The following PRKCE variants were observed in gnomAD, a reference collection of about 807,000 sequenced individuals.
The protein encoded by PRKCE is protein kinase C epsilon type.
A neutral mutation model predicts 85.4 loss-of-function variants in PRKCE; 16 were observed. The observed-to-expected ratio is 0.19, with a 90% CI of 0.13 to 0.28. The LOEUF is 0.28. Among genes scored for constraint, PRKCE ranks in the 10% least tolerant of loss-of-function variants. The pLI, the probability that PRKCE is intolerant of heterozygous loss-of-function variation, is 1.00. For synonymous variants in PRKCE, 388 were observed against 371.5 expected (o/e 1.04, Z -0.51); for missense variants, 573 against 975.2 (o/e 0.59, Z 5.49).
chr2:46,055,031 C>A (rs1317590303), intron 10 of PRKCE, among the ~76,000 whole-genome samples: 11 of 152,200 alleles, frequency 7.2e-5, no homozygotes, highest in Admixed American at 2.6e-4. Flanking sequence ...ATAAAATCCC[C>A]CACATTTACC....
intron 1 of PRKCE, among the ~76,000 whole-genome samples, chr2:45,810,972 A>T (rs1558698097): frequency 6.6e-6 from 1 of 152,222 alleles, no homozygotes; most frequent in Non-Finnish European, 1.5e-5. Flanking sequence ...TTTCCTGACG[A>T]GGTGATAATG....
intron 1 of PRKCE, chr2:45,674,871 T>C (rs1278103955): frequency 6.6e-6 from 1 of 152,194 alleles, no homozygotes; most frequent in Non-Finnish European, 1.5e-5. Flanking sequence ...CTTGATAAAC[T>C]TGAAGGCAAA....
intron 2 of PRKCE, among the ~76,000 whole-genome samples, chr2:45,944,957 C>G (rs1225609668): frequency 1.3e-5 from 2 of 152,250 alleles, no homozygotes; most frequent in African/African-American, 4.8e-5. Context: ...GTGCCCTCAG[C>G]CTTCCCTATC....
At chr2:45,733,057 A>G (rs1425497125) in intron 1 of PRKCE, among the ~76,000 whole-genome samples, 4 of 152,198 alleles carry the variant, frequency 2.6e-5, no homozygotes, top group African/African-American at 4.8e-5. Context: ...AAATAAACAA[A>G]TTTATTTATA....
intron 1 of PRKCE, among the ~76,000 whole-genome samples, chr2:45,703,187 C>G (rs1678818624): frequency 6.6e-6 from 1 of 151,788 alleles, no homozygotes; most frequent in Non-Finnish European, 1.5e-5. Context: ...TTAGAGGCCA[C>G]AGTGCTGTTT....
intron 2 of PRKCE, among the ~76,000 whole-genome samples, chr2:45,929,607 C>T (rs1394529301): frequency 6.6e-6 from 1 of 152,130 alleles, no homozygotes; most frequent in Admixed American, 6.5e-5. Flanking sequence ...AAGCTAAAAA[C>T]TTAGAGAACT....
chr2:46,080,762 C>A (rs1668994597), intron 10 of PRKCE, among the ~76,000 whole-genome samples: 1 of 152,118 alleles, frequency 6.6e-6, no homozygotes, highest in Non-Finnish European at 1.5e-5. Context: ...CCTCAAGGAG[C>A]TGAACATCTC....
chr2:45,722,962 G>T (rs1052387857), intron 1 of PRKCE, among the ~76,000 whole-genome samples: 10 of 152,178 alleles, frequency 6.6e-5, no homozygotes, highest in Admixed American at 1.3e-4. Context: ...TTAGCCGGGT[G>T]TGGTGGAGGG....
intron 13 of PRKCE, among the ~76,000 whole-genome samples, chr2:46,157,629 C>T (rs768155514): frequency 1.3e-5 from 2 of 152,160 alleles, no homozygotes; most frequent in African/African-American, 4.8e-5. Context: ...TTAACCAGTT[C>T]GTGAGGGTGA....
chr2:46,004,679 C>A lies in PRKCE; in HGVS notation c.1063+41C>A, dbSNP rs1489534133. The A allele has an allele frequency of 1.3e-6, 2 of 1,494,100 alleles. No individual in the cohort carries two copies. Among genetic ancestry groups the A allele is most frequent in the Non-Finnish European group, 9.1e-7 (1 of 1,104,944 alleles). The allele number at this position is 1,494,100 out of a possible 1,614,324, so 92.6% of individuals were successfully genotyped here. A position where few individuals can be genotyped will look rare whatever the true frequency, so the allele number is the denominator to read the frequency against. On this transcript the variant is annotated intron_variant, in intron 8 of 14. Coordinates refer to ENST00000306156, the MANE Select transcript of PRKCE (RefSeq NM_005400.3). The surrounding 1 kb of genome is among the most constrained non-coding windows in gnomAD (Gnocchi z 4.1). Reference sequence around the variant, plus strand: ...TTGCTTCCTGACCTCTGAGTTCTGCCATTGGATGGACCAAGGAGCTCTGAG... The same window carrying A: ...TTGCTTCCTGACCTCTGAGTTCTGCAATTGGATGGACCAAGGAGCTCTGAG...
chr2:45,750,453 C>G (rs1467551247), intron 1 of PRKCE, among the ~76,000 whole-genome samples: 1 of 152,084 alleles, frequency 6.6e-6, no homozygotes, highest in Non-Finnish European at 1.5e-5. Context: ...ATTTGCGGTC[C>G]CATTGCCTTG....
intron 1 of PRKCE, chr2:45,677,777 G>A (rs6727386): frequency 0.28 from 238,050 of 849,324 alleles, 33,803 homozygotes; most frequent in South Asian, 0.4. Flanking sequence ...TTTGCTGGGT[G>A]GGCTCTGGCT....
intron 2 of PRKCE, among the ~76,000 whole-genome samples, chr2:45,857,389 A>G (rs566864411): frequency 6.6e-6 from 1 of 152,220 alleles, no homozygotes; most frequent in Non-Finnish European, 1.5e-5. Context: ...GAGAGTTTTT[A>G]AAAAATGTTC....
chr2:45,760,732 G>T (rs1290694951), intron 1 of PRKCE, among the ~76,000 whole-genome samples: 1 of 152,172 alleles, frequency 6.6e-6, no homozygotes, highest in Non-Finnish European at 1.5e-5. Context: ...GGGAAAGCTC[G>T]TTGGCCTTGG....
chr2:45,817,693 C>G (rs149678987), intron 1 of PRKCE, among the ~76,000 whole-genome samples: 2 of 151,174 alleles, frequency 1.3e-5, no homozygotes, highest in Non-Finnish European at 2.9e-5. Flanking sequence ...GACTCTGTCT[C>G]AAAAAACAAA....
intron 2 of PRKCE, among the ~76,000 whole-genome samples, chr2:45,916,672 C>G (rs1314324910): frequency 6.6e-6 from 1 of 152,140 alleles, no homozygotes; most frequent in Non-Finnish European, 1.5e-5. Context: ...TCTTAGATTA[C>G]AGTACATTTA....
intron 10 of PRKCE, among the ~76,000 whole-genome samples, chr2:46,057,417 A>C (rs1292854921): frequency 2.0e-5 from 3 of 152,158 alleles, no homozygotes; most frequent in Non-Finnish European, 4.4e-5. Flanking sequence ...GAACCAGGAT[A>C]AGAAAAAATA....
At chr2:45,977,312 A>T (rs1015214244) in intron 3 of PRKCE, among the ~76,000 whole-genome samples, 8 of 152,196 alleles carry the variant, frequency 5.3e-5, no homozygotes, top group African/African-American at 1.7e-4. Context: ...AAGTGAAATT[A>T]TCTGATGCCT....
At chr2:45,722,415 A>G (rs949346106) in intron 1 of PRKCE, among the ~76,000 whole-genome samples, 1 of 152,160 alleles carries the variant, frequency 6.6e-6, no homozygotes, top group Non-Finnish European at 1.5e-5. Flanking sequence ...AAAAAGCGTT[A>G]GTATTATTGT....
Sources: allele counts gnomAD v4.1 joint callset (sites outside exome capture counted in the v4.1 genomes callset), GRCh38; gene constraint gnomAD v4.1.1; non-coding constraint Gnocchi (gnomAD v3.1); transcripts MANE v1.5; gene names NCBI Gene and HGNC (gene_info 2026-07-23, HGNC 2026-07-21).